The following PIEZO1 variants were observed in gnomAD, a reference collection of about 807,000 sequenced individuals.
PIEZO1 encodes piezo-type mechanosensitive ion channel component 1.
Under a neutral mutation model 297.2 loss-of-function variants are expected in PIEZO1, and 296 were observed. The ratio of observed to expected loss-of-function variants is 1.00; its 90% CI spans 0.91 to 1.10. The LOEUF is 1.10. PIEZO1 is among the 50% of genes least tolerant of loss of function. The pLI is 0.00. For missense variants in PIEZO1, 5,018 were observed against 3,455.5 expected (o/e 1.45, Z -11.34); for synonymous variants, 2,427 against 1,507.5 (o/e 1.61, Z -14.13).
In PIEZO1 at chr16:88,716,445, T is replaced by G. The variant is rs768952742; in HGVS notation, c.6965A>C (p.Glu2322Ala). ...GGGGGCCAGGGCCAGCATGTGCTTC[T>G]CGTTGGCATACTCCACAGTGCCTCC... ...AKGGTVEYAN[E>A]KHMLALAPNS... Residue 2322 changes from glutamate to alanine, a missense_variant, in exon 48 of 51, where the codon GAG becomes GCG. Transcript: ENST00000301015. 18 of 1,549,664 alleles carry G rather than the reference T, an allele frequency of 1.2e-5. No homozygotes were observed. The African/African-American group carries it at 2.3e-4, about 20-fold the overall frequency.
rs946713101 is a variant in PIEZO1, at chr16:88,721,382, C to G, written c.5452G>C (p.Asp1818His). ...CCCTGCTCCTCCTCGCCGCTCTTGT[C>G]ATGCTCCTTGGATGGTGAGTCCTCC... is the stretch of plus-strand genomic sequence containing the variant. ...HEEDSPSKEH[D>H]KSGEEEQGAE... Residue 1818 changes from aspartate (D) to histidine (H), a missense_variant, in exon 39 of 51, where the codon GAC becomes CAC. Coordinates refer to ENST00000301015, the MANE Select transcript of PIEZO1 (RefSeq NM_001142864.4). 1 of 1,549,768 alleles carries G rather than the reference C, an allele frequency of 6.5e-7. No individual in the cohort carries two copies. The highest frequency in any genetic ancestry group is 2.0e-5 in the Admixed American group (1 of 50,966).
rs993671776 is a variant in PIEZO1 at position 88,755,972 on chromosome 16, C to T, written c.65-6493G>A. ...GCCTCGGAGCGGGGAGGGCGGGGGC[C>T]ACCCAGGAGCCAGGACAGCAGAAGA... On this transcript the variant is annotated intron_variant, in intron 1 of 50. Coordinates refer to ENST00000301015, the MANE Select transcript of PIEZO1 (RefSeq NM_001142864.4). 1.2e-4 allele frequency among the ~76,000 whole-genome samples: 19 copies of T among 152,306 alleles called. No homozygotes were observed. The East Asian group carries it at 3.3e-3, about 26-fold the overall frequency.
Position 88,785,143 on chromosome 16 carries a change from C to G in PIEZO1, c.-179G>C, listed in dbSNP as rs1908126204. 3.1e-6 allele frequency: 1 copy of G among 318,636 alleles called. No homozygotes were observed. Among genetic ancestry groups the G allele is most frequent in the Non-Finnish European group, 5.4e-6 (1 of 184,230 alleles). The allele number at this position is 318,636 out of a possible 1,614,324, so 19.7% of individuals were successfully genotyped here. A position where few individuals can be genotyped will look rare whatever the true frequency, so the allele number is the denominator to read the frequency against. On this transcript the variant is annotated 5_prime_UTR_variant, in exon 1 of 51. Transcript: ENST00000301015. ...TGCCGACGTCCCGGGCCCGCGCTCG[C>G]TCAGGCGACCGCCCTGCCCCTCGGC...
intron 34 of PIEZO1, 29 bp from the exon 35 acceptor site, chr16:88,722,718 T>C: frequency 6.5e-7 from 1 of 1,532,202 alleles, no homozygotes; most frequent in Non-Finnish European, 8.8e-7. Context: ...GGCTCAGGGC[T>C]GCGTCCAGCT....
rs758367820 is a variant in PIEZO1, at chr16:88,715,952, C to T, written c.7297G>A (p.Gly2433Ser). The change falls in exon 50 of 51, where the codon GGC becomes AGC. Residue 2433 changes from glycine (G) to serine (S), a missense_variant. Coordinates refer to ENST00000301015, the MANE Select transcript of PIEZO1 (RefSeq NM_001142864.4). The part of the protein sequence containing the change: ...FSDKVSPPSL[G>S]FLAGYGIMGL... Reference sequence around the variant, plus strand: ...ACTCACCCGTAGCCAGCCAGGAAGCCGAGGCTCGGTGGGCTGACCTTGTCA... The same window carrying T: ...ACTCACCCGTAGCCAGCCAGGAAGCTGAGGCTCGGTGGGCTGACCTTGTCA... 13 of 1,549,438 alleles carry T rather than the reference C, an allele frequency of 8.4e-6. No homozygotes were observed. The highest frequency in any genetic ancestry group is 4.1e-5 in the African/African-American group (3 of 73,030).
chr16:88,784,890 C>T lies in PIEZO1; in HGVS notation c.64+11G>A, dbSNP rs1288669964. ...CCTCCCGTCGCCCCCAGGCGCCCGC[C>T]CCCCACTCACCAGCCAGCAGCGCGC... On this transcript the variant is annotated intron_variant, in intron 1 of 50. Coordinates refer to ENST00000301015, the MANE Select transcript of PIEZO1 (RefSeq NM_001142864.4). The T allele has an allele frequency of 2.1e-6, 3 of 1,435,988 alleles. No homozygotes were observed. The highest frequency in any genetic ancestry group is 1.5e-5 in the African/African-American group (1 of 67,270). 89.0% of individuals were successfully genotyped at this position (1,435,988 alleles called of 1,614,324 possible).
rs758070662 is a variant in PIEZO1 at position 88,734,052 on chromosome 16, T to G, written c.2183A>C (p.Gln728Pro). The change falls in exon 17 of 51, where the codon CAG becomes CCG. Residue 728 changes from glutamine to proline, a missense_variant and splice_region_variant. Coordinates refer to ENST00000301015, the MANE Select transcript of PIEZO1 (RefSeq NM_001142864.4). ...GTRLPRWAHR[Q>P]DAVSGTPLLR... ...CAGTGGGGTCCCACTCACTGCATCCTGCCTGGGAGAGGGTCCGAAAATGTC... is the reference window on the plus strand; with the variant it reads ...CAGTGGGGTCCCACTCACTGCATCCGGCCTGGGAGAGGGTCCGAAAATGTC... The G allele has an allele frequency of 5.4e-5, 82 of 1,508,352 alleles. No individual in the cohort carries two copies. Among genetic ancestry groups the G allele is most frequent in the Non-Finnish European group, 7.2e-5 (81 of 1,121,564 alleles). The allele number at this position is 1,508,352 out of a possible 1,614,324, so 93.4% of individuals were successfully genotyped here.
chr16:88,730,577 G>T lies in PIEZO1; in HGVS notation c.3196+1129C>A, dbSNP rs190606863. Reference sequence around the variant, plus strand: ...TGTGCCAGTGTACTCCAGCCTGGGTGACAGAGCAAGACTCCATCTCAAAAA... The same window carrying T: ...TGTGCCAGTGTACTCCAGCCTGGGTTACAGAGCAAGACTCCATCTCAAAAA... On this transcript the variant is annotated intron_variant, in intron 22 of 50. Coordinates refer to ENST00000301015, the MANE Select transcript of PIEZO1 (RefSeq NM_001142864.4). 5.1e-5 allele frequency among the ~76,000 whole-genome samples: 7 copies of T among 136,596 alleles called. No individual in the cohort carries two copies. The East Asian group carries it at 1.5e-3, about 29-fold the overall frequency. 89.6% of individuals were successfully genotyped at this position (136,596 alleles called of 152,430 possible).
At chr16:88,732,207 A>C in intron 21 of PIEZO1, 128 bp downstream of exon 21, 3 of 756,822 alleles carry the variant, frequency 4.0e-6, no homozygotes, top group Non-Finnish European at 6.5e-6. Context: ...CCTGGCCCTG[A>C]GTCCCCCACC....
chr16:88,735,110 C>T (rs1462533607), intron 13 of PIEZO1, 25 bp downstream of exon 13: 2 of 1,549,262 alleles, frequency 1.3e-6, no homozygotes, highest in Non-Finnish European at 1.7e-6. Context: ...AGGAGGGCAA[C>T]CCCCGCCTCT....
chr16:88,728,278 T>A (rs984682114), intron 22 of PIEZO1, among the ~76,000 whole-genome samples: 2 of 152,226 alleles, frequency 1.3e-5, no homozygotes, highest in Admixed American at 1.3e-4. Flanking sequence ...CTGGGAGGCG[T>A]GTGAGGCAGG....
chr16:88,724,858 G>A, intron 30 of PIEZO1, 151 bp downstream of exon 30: 1 of 542,590 alleles, frequency 1.8e-6, no homozygotes, highest in African/African-American at 2.0e-5. Context: ...CAGCCAGTGA[G>A]GCACCCCCCG....
At chr16:88,736,554 A>G in intron 11 of PIEZO1, 85 bp downstream of exon 11, 2 of 975,968 alleles carry the variant, frequency 2.0e-6, no homozygotes, top group Non-Finnish European at 3.0e-6. Context: ...GGGGCTGCAC[A>G]GCTGCCCAGC....
intron 1 of PIEZO1, among the ~76,000 whole-genome samples, chr16:88,763,217 C>T (rs1221247568): frequency 1.3e-5 from 2 of 152,164 alleles, no homozygotes; most frequent in African/African-American, 4.8e-5. Flanking sequence ...GCTCAGGGCA[C>T]TTACGGGGGC....
chr16:88,732,348 T>C lies in PIEZO1; in HGVS notation c.2978A>G (p.Lys993Arg). The change falls in exon 21 of 51, where the codon AAA (lysine) becomes AGA (arginine). Residue 993 changes from lysine (K) to arginine (R), a missense_variant. Lys to Arg is a conservative substitution (Grantham distance 26, BLOSUM62 2). Coordinates refer to ENST00000301015, the MANE Select transcript of PIEZO1 (RefSeq NM_001142864.4). ...LKYFINFFFY[K>R]FGLEICFLMA... ...TCCTTGCCTCACCTCCAGCCCGAAT[T>C]TGTAGAAGAAGAAGTTGATGAAGTA... 1.9e-6 allele frequency: 3 copies of C among 1,549,276 alleles called. No individual in the cohort carries two copies. Among genetic ancestry groups the C allele is most frequent in the Admixed American group, 3.9e-5 (2 of 50,958 alleles).
chr16:88,752,184 T>C (rs1906424087), intron 1 of PIEZO1, among the ~76,000 whole-genome samples: 1 of 152,222 alleles, frequency 6.6e-6, no homozygotes, highest in Non-Finnish European at 1.5e-5. Context: ...TCAATGCGGC[T>C]AACGTGACAA....
rs117340906 is a variant in PIEZO1 at position 88,725,214 on chromosome 16, G to A, written c.4163-134C>T. The A allele has an allele frequency of 3.1e-4, 222 of 723,802 alleles. 1 individual carries two copies. In the East Asian group the frequency reaches 6.0e-3, roughly 20 times the overall value. The allele number at this position is 723,802 out of a possible 1,614,324, so 44.8% of individuals were successfully genotyped here. A position where few individuals can be genotyped will look rare whatever the true frequency, so the allele number is the denominator to read the frequency against. On this transcript the variant is annotated intron_variant, in intron 29 of 50. Transcript: ENST00000301015. Reference sequence around the variant, plus strand: ...CCCACAGTGACGGGGGCCGTGTGGGGCCATGGGGCTCAGAGCCCATGTGCG... The same window carrying A: ...CCCACAGTGACGGGGGCCGTGTGGGACCATGGGGCTCAGAGCCCATGTGCG...
intron 2 of PIEZO1, among the ~76,000 whole-genome samples, chr16:88,746,357 G>T (rs1043669848): frequency 1.3e-5 from 2 of 152,156 alleles, no homozygotes; most frequent in South Asian, 4.1e-4. Context: ...AAGGCAGGAT[G>T]GGGCTTCTGA....
intron 1 of PIEZO1, among the ~76,000 whole-genome samples, chr16:88,750,028 G>C (rs971191497): frequency 6.9e-6 from 1 of 145,004 alleles, no homozygotes; most frequent in Non-Finnish European, 1.5e-5. Context: ...GCCTCAAAAA[G>C]AGAAAGAAAG....
Sources: gnomAD v4.1 joint callset for allele counts (sites outside exome capture counted in the v4.1 genomes callset) on GRCh38, gnomAD v4.1.1 for gene constraint, MANE v1.5 for transcripts, NCBI Gene and HGNC (gene_info 2026-07-23, HGNC 2026-07-21) for gene names.